The following ZNF438 variants were observed in gnomAD, a reference collection of about 807,000 sequenced individuals.
ZNF438 encodes the protein zinc finger protein 438.
Under a neutral mutation model 38.0 loss-of-function variants are expected in ZNF438, and 25 were observed. The ratio of observed to expected loss-of-function variants is 0.66; its 90% CI spans 0.48 to 0.92. The LOEUF is 0.92. ZNF438 is among the 40% of genes least tolerant of loss of function. The probability of loss-of-function intolerance (pLI) is 0.00; values close to 1 mark genes in which losing one functional copy is unlikely to be tolerated. For synonymous variants in ZNF438, 372 were observed against 364.1 expected (o/e 1.02, Z -0.25); for missense variants, 1,007 against 999.6 (o/e 1.01, Z -0.10).
chr10:30,846,055 CCTTG>C (rs1404011818), intron 5 of ZNF438, among the ~76,000 whole-genome samples: 2 of 152,214 alleles, frequency 1.3e-5, no homozygotes, highest in African/African-American at 4.8e-5. Context: ...CCTATTTCTT[CCTTG>C]CTTTTCTAGA....
intron 4 of ZNF438, among the ~76,000 whole-genome samples, chr10:30,875,102 T>C (rs1043489108): frequency 4.6e-5 from 7 of 152,184 alleles, no homozygotes; most frequent in African/African-American, 1.7e-4. Context: ...GCATCTTTAG[T>C]CCCAGAAAAG....
Position 30,848,520 on chromosome 10 carries a change from T to TAA in ZNF438, c.1874+10_1874+11insTT, listed in dbSNP as rs2032823645. On this transcript the variant is annotated intron_variant, in intron 5 of 5. Transcript: ENST00000413025. ...ACTCTCTTGCCAGGTCTCCATTACATTGGCACTCACCTCTCCAATGATCCC... is the reference window on the plus strand; with the variant it reads ...ACTCTCTTGCCAGGTCTCCATTACATAATGGCACTCACCTCTCCAATGATCCC... 2 of 1,601,992 alleles carry TAA rather than the reference T, an allele frequency of 1.2e-6. No homozygotes were observed. Among genetic ancestry groups the TAA allele is most frequent in the African/African-American group, 2.7e-5 (2 of 74,678 alleles).
At chr10:30,967,809 C>T (rs1355783086) in intron 1 of ZNF438, among the ~76,000 whole-genome samples, 2 of 152,146 alleles carry the variant, frequency 1.3e-5, no homozygotes, top group African/African-American at 4.8e-5. Context: ...CAGAAGGTTA[C>T]TGGAGCCTGG....
At chr10:31,024,614 C>A (rs559206569) in intron 1 of ZNF438, among the ~76,000 whole-genome samples, 3 of 150,870 alleles carry the variant, frequency 2.0e-5, no homozygotes, top group Non-Finnish European at 4.4e-5. Context: ...AGCGACAGAG[C>A]GAGACTCTGT....
intron 2 of ZNF438, among the ~76,000 whole-genome samples, chr10:30,922,142 T>A (rs1202127322): frequency 6.6e-6 from 1 of 152,164 alleles, no homozygotes; most frequent in Non-Finnish European, 1.5e-5. Flanking sequence ...ACATTTTACT[T>A]ACAGGGATTA....
At chr10:30,929,692 G>T (rs185997106) in intron 2 of ZNF438, among the ~76,000 whole-genome samples, 1 of 152,196 alleles carries the variant, frequency 6.6e-6, no homozygotes, top group African/African-American at 2.4e-5. Context: ...TTTACAGAGG[G>T]CTGACTGATC....
chr10:30,877,110 G>T, intron 3 of ZNF438, 45 bp from the exon 5 acceptor site: 1 of 1,249,096 alleles, frequency 8.0e-7, no homozygotes, highest in Non-Finnish European at 1.1e-6. Flanking sequence ...GTAATTGAGA[G>T]AGCATGTTAA....
At chr10:30,896,331 A>C (rs1314623781) in intron 3 of ZNF438, among the ~76,000 whole-genome samples, 1 of 151,482 alleles carries the variant, frequency 6.6e-6, no homozygotes, top group East Asian at 1.9e-4. Context: ...AACTGAAAGC[A>C]AGATCTCAAA....
chr10:30,955,530 C>A (rs1021975233), intron 1 of ZNF438, among the ~76,000 whole-genome samples: 1 of 152,214 alleles, frequency 6.6e-6, no homozygotes, highest in Admixed American at 6.5e-5. Context: ...TCTGACTATG[C>A]TAAGACTACC....
chr10:30,992,695 G>T (rs1442621601), intron 1 of ZNF438, among the ~76,000 whole-genome samples: 2 of 152,242 alleles, frequency 1.3e-5, no homozygotes, highest in African/African-American at 2.4e-5. Context: ...TTACAGGCGT[G>T]AGCCACCGTG....
chr10:30,912,277 C>A (rs1231896628), intron 2 of ZNF438, among the ~76,000 whole-genome samples: 1 of 152,170 alleles, frequency 6.6e-6, no homozygotes, highest in Admixed American at 6.5e-5. Flanking sequence ...AAGTTGTCCA[C>A]AGACACCATT....
rs557831690 is a variant in ZNF438, at chr10:30,895,689, C to T, written c.-32+13244G>A. On this transcript the variant is annotated intron_variant, in intron 3 of 5. Transcript: ENST00000413025. ...CCCAAATAACCCAACTTAAACAGAG[C>T]GAAGCATTTGTATAGACATTTCTCT... 1.2e-4 allele frequency among the ~76,000 whole-genome samples: 18 copies of T among 152,176 alleles called. No individual in the cohort carries two copies. In the South Asian group the frequency reaches 1.5e-3, roughly 12 times the overall value.
At chr10:30,867,155 C>T (rs1222441660) in intron 4 of ZNF438, among the ~76,000 whole-genome samples, 1 of 152,124 alleles carries the variant, frequency 6.6e-6, no homozygotes, top group Non-Finnish European at 1.5e-5. Flanking sequence ...AAAATATCCC[C>T]TTCCTTTCTG....
intron 1 of ZNF438, among the ~76,000 whole-genome samples, chr10:31,031,624 G>A (rs77454618): frequency 0.027 from 4,086 of 152,022 alleles, 75 homozygotes; most frequent in Middle Eastern, 0.038. Context: ...TGCTGGCCCG[G>A]CCCCACGGGG....
chr10:30,886,350 T>C (rs932285740), intron 3 of ZNF438, among the ~76,000 whole-genome samples: 2 of 152,172 alleles, frequency 1.3e-5, no homozygotes, highest in African/African-American at 4.8e-5. Context: ...TACTTAGGTG[T>C]TGTTTGAAAA....
intron 5 of ZNF438, 61 bp downstream of exon 6, chr10:30,848,470 T>A: frequency 6.5e-7 from 1 of 1,532,862 alleles, no homozygotes; most frequent in Non-Finnish European, 8.8e-7. Context: ...TATGAAATCT[T>A]CCCCTCTTCC....
chr10:31,006,029 C>G (rs528994665), intron 1 of ZNF438, among the ~76,000 whole-genome samples: 9 of 152,268 alleles, frequency 5.9e-5, no homozygotes, highest in African/African-American at 1.9e-4. Flanking sequence ...GATGTCCATC[C>G]CTTATTCCCT....
intron 1 of ZNF438, among the ~76,000 whole-genome samples, chr10:30,957,201 T>C (rs1330858888): frequency 6.6e-6 from 1 of 152,224 alleles, no homozygotes; most frequent in Non-Finnish European, 1.5e-5. Flanking sequence ...TTGAGAAATA[T>C]CTATTCAGAT....
At chr10:30,862,829 G>T (rs1341881016) in intron 4 of ZNF438, among the ~76,000 whole-genome samples, 1 of 152,178 alleles carries the variant, frequency 6.6e-6, no homozygotes, top group Non-Finnish European at 1.5e-5. Context: ...AAGTGGTAAA[G>T]ATCACAATGT....
Sources: allele counts gnomAD v4.1 joint callset (sites outside exome capture counted in the v4.1 genomes callset), GRCh38; gene constraint gnomAD v4.1.1; transcripts MANE v1.5; gene names NCBI Gene and HGNC (gene_info 2026-07-23, HGNC 2026-07-21).